Variants in GLRA3 observed in about 807,000 individuals in gnomAD.
GLRA3 encodes glycine receptor subunit alpha-3.
A neutral mutation model predicts 60.4 loss-of-function variants in GLRA3; 44 were observed. The ratio of observed to expected loss-of-function variants is 0.73; its 90% CI spans 0.57 to 0.94. GLRA3 has a LOEUF of 0.94. Ranked by LOEUF, GLRA3 falls within the 40% of genes least tolerant of loss-of-function variation. The pLI is 0.00. For synonymous variants in GLRA3, 223 were observed against 192.9 expected (o/e 1.16, Z -1.29); for missense variants, 508 against 564.6 (o/e 0.90, Z 1.02).
At chr4:174,742,357 A>G (rs1024322445) in intron 3 of GLRA3, among the ~76,000 whole-genome samples, 2 of 152,204 alleles carry the variant, frequency 1.3e-5, no homozygotes, top group Admixed American at 6.5e-5. Flanking sequence ...AGTATTGTTC[A>G]GAATGAAATA....
intron 5 of GLRA3, among the ~76,000 whole-genome samples, chr4:174,701,885 G>A (rs549296870): frequency 6.6e-6 from 1 of 152,282 alleles, no homozygotes; most frequent in East Asian, 1.9e-4. Flanking sequence ...AACAGATAAG[G>A]AGTTGCTTCT....
At chr4:174,649,230 G>C (rs1054723577) in intron 9 of GLRA3, among the ~76,000 whole-genome samples, 1 of 152,112 alleles carries the variant, frequency 6.6e-6, no homozygotes, top group Non-Finnish European at 1.5e-5. Flanking sequence ...GTAATATGCT[G>C]GGGAACAGGA....
At chr4:174,696,785 T>C (rs13148451) in intron 5 of GLRA3, among the ~76,000 whole-genome samples, 29,165 of 151,966 alleles carry the variant, frequency 0.19, 3,014 homozygotes, top group East Asian at 0.39. Context: ...CATACACATA[T>C]GTATTCATAG....
chr4:174,828,788 C>G lies in GLRA3; in HGVS notation c.24G>C (p.Arg8=). 6.2e-7 allele frequency: 1 copy of G among 1,611,808 alleles called. No homozygotes were observed. Among genetic ancestry groups the G allele is most frequent in the South Asian group, 1.1e-5 (1 of 91,028 alleles). ...AGAAGTAAAATCCCGAAACTAATGT[C>G]CGAAAGTGTCTCACGTGGGCCATGA... The part of the protein sequence containing the change: MAHVRHF[R]TLVSGFYFWE... The change falls in exon 1 of 10, where the codon CGG becomes CGC. Residue 8 remains arginine (R), a synonymous_variant. Transcript: ENST00000274093.
intron 2 of GLRA3, among the ~76,000 whole-genome samples, chr4:174,770,302 C>T (rs1265432295): frequency 6.6e-6 from 1 of 152,060 alleles, no homozygotes; most frequent in African/African-American, 2.4e-5. Context: ...GTATGGCATG[C>T]AACCAAGGCA....
chr4:174,763,110 G>T (rs919371690), intron 3 of GLRA3, among the ~76,000 whole-genome samples: 1 of 152,080 alleles, frequency 6.6e-6, no homozygotes, highest in African/African-American at 2.4e-5. Context: ...AATTAATGAT[G>T]TGACTTGGGG....
intron 2 of GLRA3, among the ~76,000 whole-genome samples, chr4:174,784,492 C>CA (rs1447922700): frequency 2.3e-5 from 3 of 131,624 alleles, no homozygotes; most frequent in Non-Finnish European, 3.4e-5. Flanking sequence ...AAAAAAAAAA[C>CA]CAAAAACACA....
At chr4:174,711,208 A>ATC (rs1413504224) in intron 5 of GLRA3, among the ~76,000 whole-genome samples, 4 of 151,764 alleles carry the variant, frequency 2.6e-5, no homozygotes. Flanking sequence ...GAGGTTACTG[A>ATC]AACTTCCTTG....
At chr4:174,706,174 G>A (rs1475571545) in intron 5 of GLRA3, among the ~76,000 whole-genome samples, 1 of 151,910 alleles carries the variant, frequency 6.6e-6, no homozygotes, top group African/African-American at 2.4e-5. Flanking sequence ...AGCTTGCAGT[G>A]AGCCGAGTTC....
intron 2 of GLRA3, among the ~76,000 whole-genome samples, chr4:174,775,215 T>C (rs954597624): frequency 6.6e-6 from 1 of 152,074 alleles, no homozygotes; most frequent in Admixed American, 6.6e-5. Context: ...TCAAAAATAA[T>C]TGTAAATGTT....
At chr4:174,779,647 C>T (rs993750060) in intron 2 of GLRA3, among the ~76,000 whole-genome samples, 16 of 151,900 alleles carry the variant, frequency 1.1e-4, no homozygotes, top group African/African-American at 4.8e-5. Context: ...AACCAAGGCT[C>T]GAGAACTACA....
chr4:174,825,289 AT>A (rs1317583301), intron 1 of GLRA3, among the ~76,000 whole-genome samples: 1 of 152,122 alleles, frequency 6.6e-6, no homozygotes. Context: ...TAGAGACAAC[AT>A]TAAAAAGGAT....
In GLRA3 at chr4:174,743,466, T is replaced by C. The variant is rs1579538513; in HGVS notation, c.268-14768A>G. On this transcript the variant is annotated intron_variant, in intron 3 of 9. Coordinates refer to ENST00000274093, the MANE Select transcript of GLRA3 (RefSeq NM_006529.4). ...TGAGATATACCAGCCAGTTATTTTG[T>C]TGAATGTCCCTCAGTTTGGGTTTGT... Among the ~76,000 whole-genome samples the C allele has an allele frequency of 2.0e-5, 3 of 152,192 alleles. No homozygotes were observed. In the South Asian group the frequency reaches 6.2e-4, roughly 32 times the overall value.
chr4:174,682,762 C>A lies in GLRA3; in HGVS notation c.712+40G>T, dbSNP rs553059429. The A allele has an allele frequency of 1.8e-5, 26 of 1,444,556 alleles. No individual in the cohort carries two copies. In the South Asian group the frequency reaches 3.0e-4, roughly 17 times the overall value. 89.5% of individuals were successfully genotyped at this position (1,444,556 alleles called of 1,614,324 possible). On this transcript the variant is annotated intron_variant, in intron 6 of 9. Transcript: ENST00000274093. ...GAAGAAACATCTGGATATCATAAAA[C>A]CACAAGTAGTAAGTGTAAAGAACAC...
At chr4:174,724,002 A>T (rs1736224419) in intron 4 of GLRA3, among the ~76,000 whole-genome samples, 1 of 151,698 alleles carries the variant, frequency 6.6e-6, no homozygotes, top group South Asian at 2.1e-4. Flanking sequence ...TCTTCTATAG[A>T]CATATATATG....
rs1391325966 is a variant in GLRA3, at chr4:174,760,824, C to G, written c.267+6139G>C. On this transcript the variant is annotated intron_variant, in intron 3 of 9. Coordinates refer to ENST00000274093, the MANE Select transcript of GLRA3 (RefSeq NM_006529.4). ...TAGTATTGAAAACATTAGAAACAAC[C>G]TACATGTCTAGCAAAGTAGAATGGA... Among the ~76,000 whole-genome samples, 4 of 152,074 alleles carry G rather than the reference C, an allele frequency of 2.6e-5. No individual in the cohort carries two copies. In the East Asian group the frequency reaches 7.7e-4, roughly 29 times the overall value.
intron 9 of GLRA3, among the ~76,000 whole-genome samples, chr4:174,654,582 T>C (rs562886423): frequency 1.3e-5 from 2 of 152,276 alleles, no homozygotes; most frequent in East Asian, 3.9e-4. Flanking sequence ...CTATGTTTTC[T>C]TGCAGCAAAC....
intron 5 of GLRA3, among the ~76,000 whole-genome samples, chr4:174,706,067 A>C (rs1464746361): frequency 6.6e-6 from 1 of 151,816 alleles, no homozygotes; most frequent in African/African-American, 2.4e-5. Context: ...GTCTCTACTA[A>C]AAAATACAAA....
At chr4:174,734,274 A>G (rs976778084) in intron 3 of GLRA3, among the ~76,000 whole-genome samples, 2 of 152,212 alleles carry the variant, frequency 1.3e-5, no homozygotes, top group Non-Finnish European at 2.9e-5. Flanking sequence ...TGTACAATAT[A>G]GGTTCCCATG....
Sources: gnomAD v4.1 joint callset for allele counts (sites outside exome capture counted in the v4.1 genomes callset) on GRCh38, gnomAD v4.1.1 for gene constraint, MANE v1.5 for transcripts, NCBI Gene and HGNC (gene_info 2026-07-23, HGNC 2026-07-21) for gene names.